IL15: variants seen among roughly 807,000 people sequenced by gnomAD.
IL15 encodes interleukin 15, also known as interleukin-15.
Under a neutral mutation model 19.6 loss-of-function variants are expected in IL15, and 11 were observed. The ratio of observed to expected loss-of-function variants is 0.56; its 90% confidence interval spans 0.35 to 0.93. IL15 has a LOEUF of 0.93. Ranked by LOEUF, IL15 falls within the 40% of genes least tolerant of loss-of-function variation. The pLI, the probability that IL15 is intolerant of heterozygous loss-of-function variation, is 0.01. For synonymous variants in IL15, 58 were observed against 59.6 expected, an observed-to-expected ratio of 0.97 and a Z score of 0.12; for missense variants, 197 against 186.5, an observed-to-expected ratio of 1.06 and a Z score of -0.33.
intron 2 of IL15, among the ~76,000 whole-genome samples, chr4:141,709,811 T>C (rs922329077): frequency 1.3e-5 from 2 of 152,128 alleles, no homozygotes; most frequent in African/African-American, 4.8e-5. Flanking sequence ...TATGTGCAGG[T>C]TGGTTACATG....
chr4:141,692,639 C>T (rs1208003826), intron 2 of IL15, among the ~76,000 whole-genome samples: 3 of 152,004 alleles, frequency 2.0e-5, no homozygotes, highest in South Asian at 2.1e-4. Context: ...TCTTTAGGTC[C>T]GGGGAAAAAT....
intron 2 of IL15, among the ~76,000 whole-genome samples, chr4:141,703,602 C>T (rs1729403318): frequency 6.6e-6 from 1 of 152,046 alleles, no homozygotes; most frequent in South Asian, 2.1e-4. Context: ...CCGTCTCATA[C>T]TCTGGGAACT....
At chr4:141,653,577 C>A (rs1167148279) in intron 1 of IL15, among the ~76,000 whole-genome samples, 1 of 152,046 alleles carries the variant, frequency 6.6e-6, no homozygotes, top group Non-Finnish European at 1.5e-5. Flanking sequence ...TACACACTGT[C>A]GAGTTACCTT....
At chr4:141,711,752 C>T (rs1560932674) in intron 2 of IL15, among the ~76,000 whole-genome samples, 1 of 152,062 alleles carries the variant, frequency 6.6e-6, no homozygotes, top group Non-Finnish European at 1.5e-5. Flanking sequence ...ATCTGGAATG[C>T]ATTTTTTACT....
At chr4:141,657,357 A>C (rs1159331773) in intron 2 of IL15, among the ~76,000 whole-genome samples, 22 of 152,146 alleles carry the variant, frequency 1.4e-4, no homozygotes, top group Admixed American at 1.4e-3. Context: ...TGTAAACTGT[A>C]TAAACACTGT....
chr4:141,722,099 A>G (rs1730105168), intron 5 of IL15, 91 bp downstream of exon 5: 2 of 1,355,598 alleles, frequency 1.5e-6, no homozygotes, highest in East Asian at 4.9e-5. Context: ...AGGAAACCAC[A>G]CTTGAAACAA....
chr4:141,686,941 T>C (rs1262225812), intron 2 of IL15, among the ~76,000 whole-genome samples: 1 of 152,252 alleles, frequency 6.6e-6, no homozygotes, highest in Non-Finnish European at 1.5e-5. Context: ...ATAAAGAGAA[T>C]AGAAAGAAAA....
At chr4:141,658,703 A>T (rs1461692647) in intron 2 of IL15, among the ~76,000 whole-genome samples, 3 of 152,126 alleles carry the variant, frequency 2.0e-5, no homozygotes, top group Non-Finnish European at 2.9e-5. Context: ...CAAGAGGAAA[A>T]AGGCAGTTTA....
At chr4:141,659,917 A>G (rs1377967418) in intron 2 of IL15, among the ~76,000 whole-genome samples, 1 of 151,570 alleles carries the variant, frequency 6.6e-6, no homozygotes, top group Non-Finnish European at 1.5e-5. Context: ...ATACTTAAAA[A>G]CAGGTACATT....
At chr4:141,641,849 A>T (rs925539792) in intron 1 of IL15, among the ~76,000 whole-genome samples, 1 of 152,156 alleles carries the variant, frequency 6.6e-6, no homozygotes, top group Non-Finnish European at 1.5e-5. Context: ...ATTTAAAAAA[A>T]AAAAAGCCGC....
chr4:141,647,593 T>C (rs945955913), intron 1 of IL15, among the ~76,000 whole-genome samples: 1 of 151,970 alleles, frequency 6.6e-6, no homozygotes, highest in Non-Finnish European at 1.5e-5. Flanking sequence ...CGGGAAGGCC[T>C]TCGAGGAGGA....
chr4:141,713,831 T>C (rs1230200953), intron 2 of IL15, among the ~76,000 whole-genome samples: 1 of 152,140 alleles, frequency 6.6e-6, no homozygotes, highest in African/African-American at 2.4e-5. Flanking sequence ...CTCCCTTACA[T>C]ATAGTTTGAA....
At chr4:141,674,615 C>A (rs1728280199) in intron 2 of IL15, among the ~76,000 whole-genome samples, 2 of 151,842 alleles carry the variant, frequency 1.3e-5, no homozygotes, top group African/African-American at 4.8e-5. Context: ...AATAAAAAAT[C>A]TCTGAAGTTT....
chr4:141,691,945 C>G (rs766182936), intron 2 of IL15, among the ~76,000 whole-genome samples: 46 of 152,238 alleles, frequency 3.0e-4, no homozygotes, highest in Non-Finnish European at 5.3e-4. Flanking sequence ...TCCCCTCCAC[C>G]CTGCTCCAGC....
Position 141,683,142 on chromosome 4 carries a change from G to A in IL15, c.-100+26835G>A, listed in dbSNP as rs1014203011. ...AAATTAGCCCGGCGTGGTGGCAGGTGCCTGTAGTCCCAGCTACTCGGGAGG... is the reference window on the plus strand; with the variant it reads ...AAATTAGCCCGGCGTGGTGGCAGGTACCTGTAGTCCCAGCTACTCGGGAGG... On this transcript the variant is annotated intron_variant, in intron 2 of 7. Transcript: ENST00000320650. Among the ~76,000 whole-genome samples, 3 of 152,126 alleles carry A rather than the reference G, an allele frequency of 2.0e-5. No individual in the cohort carries two copies. In the East Asian group the frequency reaches 5.8e-4, roughly 29 times the overall value.
At chr4:141,694,130 CAG>C (rs1729014145) in intron 2 of IL15, among the ~76,000 whole-genome samples, 1 of 152,102 alleles carries the variant, frequency 6.6e-6, no homozygotes, top group African/African-American at 2.4e-5. Flanking sequence ...AAAGGGAAAA[CAG>C]AGCAGATGGA....
At chr4:141,700,962 G>T (rs536292839) in intron 2 of IL15, among the ~76,000 whole-genome samples, 2 of 151,948 alleles carry the variant, frequency 1.3e-5, no homozygotes, top group African/African-American at 2.4e-5. Flanking sequence ...CTTTCATTTC[G>T]AGAAGTTCTG....
At chr4:141,669,976 G>GA (rs546026982) in intron 2 of IL15, among the ~76,000 whole-genome samples, 188 of 151,660 alleles carry the variant, frequency 1.2e-3, no homozygotes, top group African/African-American at 4.0e-3. Context: ...AATTAAGATA[G>GA]ATTATTATTG....
intron 2 of IL15, chr4:141,718,860 A>G (rs1729979868): frequency 6.6e-6 from 1 of 152,148 alleles, no homozygotes; most frequent in African/African-American, 2.4e-5. Flanking sequence ...GGGATGTTTA[A>G]TCTTCATATT....
Sources: allele counts gnomAD v4.1 joint callset (sites outside exome capture counted in the v4.1 genomes callset), GRCh38; gene constraint gnomAD v4.1.1; transcripts MANE v1.5; gene names NCBI Gene and HGNC (gene_info 2026-07-23, HGNC 2026-07-21).